TRAPPC9: variants seen among roughly 807,000 people sequenced by gnomAD.
TRAPPC9 encodes IKK2 binding protein.
A neutral mutation model predicts 124.0 loss-of-function variants in TRAPPC9; 83 were observed. The observed-to-expected ratio is 0.67, with a 90% CI of 0.56 to 0.80. TRAPPC9 has a LOEUF of 0.80. Among genes scored for constraint, TRAPPC9 ranks in the 30% least tolerant of loss-of-function variants. The probability of loss-of-function intolerance (pLI) is 0.00; values close to 1 mark genes in which losing one functional copy is unlikely to be tolerated. For missense variants in TRAPPC9, 1,302 were observed against 1,508.3 expected (o/e 0.86, Z 2.27); for synonymous variants, 638 against 617.5 (o/e 1.03, Z -0.49).
chr8:140,200,335 A>G (rs952097323), intron 17 of TRAPPC9, among the ~76,000 whole-genome samples: 1 of 152,046 alleles, frequency 6.6e-6, no homozygotes, highest in African/African-American at 2.4e-5. Context: ...CTGTAGATGC[A>G]CCCCCACCAG....
chr8:140,013,860 G>C (rs1839289530), intron 18 of TRAPPC9, among the ~76,000 whole-genome samples: 1 of 152,192 alleles, frequency 6.6e-6, no homozygotes, highest in African/African-American at 2.4e-5. Flanking sequence ...CAAGATGAAG[G>C]AAAAATGATG....
At chr8:139,838,578 C>G (rs770237538) in intron 21 of TRAPPC9, among the ~76,000 whole-genome samples, 18 of 152,290 alleles carry the variant, frequency 1.2e-4, no homozygotes, top group Middle Eastern at 6.8e-3. Flanking sequence ...TCTGAACCAC[C>G]CTGGCGGGTC....
At chr8:139,741,801 C>T (rs1446049806) in intron 21 of TRAPPC9, among the ~76,000 whole-genome samples, 1 of 152,158 alleles carries the variant, frequency 6.6e-6, no homozygotes, top group African/African-American at 2.4e-5. Flanking sequence ...TGGCTTCCTT[C>T]GCAGAGCATG....
chr8:139,982,277 A>G (rs771592547), intron 19 of TRAPPC9, among the ~76,000 whole-genome samples: 18 of 152,174 alleles, frequency 1.2e-4, no homozygotes, highest in Admixed American at 5.2e-4. Context: ...AGCCTAGGGA[A>G]CCATGGGCAA....
chr8:139,866,170 C>T (rs915340573), intron 21 of TRAPPC9, among the ~76,000 whole-genome samples: 51 of 152,286 alleles, frequency 3.3e-4, no homozygotes, highest in African/African-American at 1.2e-3. Context: ...TTTTAGCTAG[C>T]GGGCTTCAGA....
At chr8:139,837,199 C>A (rs1249599143) in intron 21 of TRAPPC9, among the ~76,000 whole-genome samples, 7 of 152,192 alleles carry the variant, frequency 4.6e-5, no homozygotes, top group Non-Finnish European at 8.8e-5. Context: ...TTACCATCAC[C>A]GTGACACACA....
intron 5 of TRAPPC9, among the ~76,000 whole-genome samples, chr8:140,420,811 A>T (rs2070176254): frequency 6.6e-6 from 1 of 152,210 alleles, no homozygotes; most frequent in Non-Finnish European, 1.5e-5. Flanking sequence ...TCAAGTTCCT[A>T]GGGAAATTTG....
At chr8:140,281,724 T>C (rs1341280251) in intron 14 of TRAPPC9, among the ~76,000 whole-genome samples, 1 of 152,212 alleles carries the variant, frequency 6.6e-6, no homozygotes, top group Admixed American at 6.5e-5. Context: ...GTTATATATT[T>C]TCAGCTTTTA....
intron 8 of TRAPPC9, among the ~76,000 whole-genome samples, chr8:140,365,272 C>T (rs958551016): frequency 1.3e-5 from 2 of 152,106 alleles, no homozygotes; most frequent in Non-Finnish European, 2.9e-5. Flanking sequence ...CTCAGGGACA[C>T]GGCCAGCATC....
intron 17 of TRAPPC9, among the ~76,000 whole-genome samples, chr8:140,045,771 C>T (rs578062044): frequency 8.6e-5 from 13 of 151,790 alleles, no homozygotes; most frequent in Middle Eastern, 3.4e-3. Flanking sequence ...AAGGAGGACA[C>T]GCCCAGCTCA....
chr8:140,410,262 G>A (rs540349948), intron 5 of TRAPPC9, among the ~76,000 whole-genome samples: 7 of 151,792 alleles, frequency 4.6e-5, no homozygotes, highest in Admixed American at 2.0e-4. Flanking sequence ...TTGACCAGGC[G>A]CAATGGCTCA....
In TRAPPC9 at chr8:139,742,742, G is replaced by A. The variant is rs1274259925; in HGVS notation, c.3056-10540C>T. ...GCACGGTTGCTTTCAACTCTGATCT[G>A]CAGGCTGGGTGGGGGTAGGCAGCTG... is the stretch of plus-strand genomic sequence containing the variant. On this transcript the variant is annotated intron_variant, in intron 21 of 22. Transcript: ENST00000438773. The surrounding 1 kb of genome is among the most constrained non-coding windows in gnomAD (Gnocchi z 4.7). Among the ~76,000 whole-genome samples the A allele has an allele frequency of 6.6e-6, 1 of 152,204 alleles. No homozygotes were observed. Among genetic ancestry groups the A allele is most frequent in the Non-Finnish European group, 1.5e-5 (1 of 68,044 alleles).
chr8:140,116,717 T>C (rs904478353), intron 17 of TRAPPC9, among the ~76,000 whole-genome samples: 1 of 152,162 alleles, frequency 6.6e-6, no homozygotes, highest in Admixed American at 6.5e-5. Context: ...GGTACACACT[T>C]CTGGCAGCAG....
chr8:139,779,190 G>T (rs1821603166), intron 21 of TRAPPC9, among the ~76,000 whole-genome samples: 1 of 152,102 alleles, frequency 6.6e-6, no homozygotes, highest in Non-Finnish European at 1.5e-5. Flanking sequence ...AGTGACAGGG[G>T]ACAACATCTT....
chr8:140,183,635 G>C (rs573743521), intron 17 of TRAPPC9, among the ~76,000 whole-genome samples: 1 of 152,134 alleles, frequency 6.6e-6, no homozygotes, highest in Non-Finnish European at 1.5e-5. Flanking sequence ...AAGGTGGGCA[G>C]ATCACCTGAG....
chr8:139,832,995 T>C (rs1051317397), intron 21 of TRAPPC9, among the ~76,000 whole-genome samples: 4 of 152,056 alleles, frequency 2.6e-5, no homozygotes, highest in Non-Finnish European at 4.4e-5. Context: ...ATGAGAAGCA[T>C]GAGAAGGGTT....
At chr8:139,862,325 G>T (rs527973588) in intron 21 of TRAPPC9, among the ~76,000 whole-genome samples, 1 of 152,332 alleles carries the variant, frequency 6.6e-6, no homozygotes, top group African/African-American at 2.4e-5. Context: ...TCTAGAGAAG[G>T]GGCTTGTCCT....
intron 17 of TRAPPC9, among the ~76,000 whole-genome samples, chr8:140,043,186 T>C (rs1259576483): frequency 6.6e-6 from 1 of 152,224 alleles, no homozygotes; most frequent in African/African-American, 2.4e-5. Flanking sequence ...GCATCTAGAA[T>C]TTCTTCTTCC....
At chr8:140,265,368 G>C (rs1415337833) in intron 15 of TRAPPC9, among the ~76,000 whole-genome samples, 1 of 152,186 alleles carries the variant, frequency 6.6e-6, no homozygotes, top group Non-Finnish European at 1.5e-5. Context: ...ACACACATGG[G>C]AACAGCTTAT....
Sources: allele counts gnomAD v4.1 joint callset (sites outside exome capture counted in the v4.1 genomes callset), GRCh38; gene constraint gnomAD v4.1.1; non-coding constraint Gnocchi (gnomAD v3.1); transcripts MANE v1.5; gene names NCBI Gene and HGNC (gene_info 2026-07-23, HGNC 2026-07-21).